Variants in HECW2 observed in about 807,000 individuals in gnomAD.
The protein encoded by HECW2 is E3 ubiquitin-protein ligase HECW2.
HECW2 carries 61 observed loss-of-function variants against 175.2 expected under a neutral mutation model. The ratio of observed to expected loss-of-function variants is 0.35; its 90% confidence interval spans 0.28 to 0.43. The LOEUF (loss-of-function observed/expected upper bound fraction) is 0.43, where lower values mean the gene tolerates loss of function less well. Ranked by LOEUF, HECW2 falls within the 20% of genes least tolerant of loss-of-function variation. HECW2 has a pLI of 1.00. For missense variants in HECW2, 1,524 were observed against 2,000.5 expected (o/e 0.76, Z 4.54); for synonymous variants, 671 against 731.0 (o/e 0.92, Z 1.32).
intron 1 of HECW2, among the ~76,000 whole-genome samples, chr2:196,474,706 A>G (rs1467081175): frequency 6.6e-6 from 1 of 152,196 alleles, no homozygotes; most frequent in African/African-American, 2.4e-5. Context: ...TTCTCATTCT[A>G]TCTCCATTGC....
chr2:196,220,731 T>G (rs541504211), intron 25 of HECW2, 64 bp downstream of exon 25: 1 of 1,514,172 alleles, frequency 6.6e-7, no homozygotes, highest in Non-Finnish European at 9.2e-7. Context: ...TAAAGTACAA[T>G]AAGATGGACT....
intron 2 of HECW2, among the ~76,000 whole-genome samples, chr2:196,408,525 A>G (rs988912559): frequency 1.1e-4 from 17 of 152,190 alleles, no homozygotes; most frequent in Admixed American, 6.5e-5. Flanking sequence ...GGATTGCCAT[A>G]ATTAGGTTAG....
chr2:196,500,531 G>C (rs1320225517), intron 1 of HECW2, among the ~76,000 whole-genome samples: 1 of 150,892 alleles, frequency 6.6e-6, no homozygotes, highest in Non-Finnish European at 1.5e-5. Context: ...AAACTTTTGA[G>C]TTTCAAAGAA....
intron 1 of HECW2, among the ~76,000 whole-genome samples, chr2:196,575,843 A>C (rs1200846333): frequency 6.6e-6 from 1 of 151,182 alleles, no homozygotes; most frequent in Non-Finnish European, 1.5e-5. Context: ...GAGAGCTGCC[A>C]AGCTCTTTTA....
At chr2:196,368,777 T>C (rs926054290) in intron 2 of HECW2, among the ~76,000 whole-genome samples, 1 of 152,190 alleles carries the variant, frequency 6.6e-6, no homozygotes. Flanking sequence ...CATTCTTCAA[T>C]ATGTCAGTTG....
chr2:196,439,638 T>C (rs1395964836), intron 1 of HECW2, among the ~76,000 whole-genome samples: 4 of 152,142 alleles, frequency 2.6e-5, no homozygotes, highest in Non-Finnish European at 5.9e-5. Context: ...CAGTGTAAGA[T>C]GTAAGACAGA....
intron 3 of HECW2, among the ~76,000 whole-genome samples, chr2:196,335,621 A>G (rs1692522311): frequency 6.6e-6 from 1 of 152,204 alleles, no homozygotes. Flanking sequence ...AGAGAAAGAT[A>G]TGATAACTGA....
At chr2:196,367,366 T>C (rs1693772240) in intron 2 of HECW2, among the ~76,000 whole-genome samples, 1 of 152,194 alleles carries the variant, frequency 6.6e-6, no homozygotes, top group Non-Finnish European at 1.5e-5. Context: ...TGTGGGTACA[T>C]GGTAGGTGCC....
At chr2:196,345,551 C>T (rs1270809722) in intron 2 of HECW2, among the ~76,000 whole-genome samples, 1 of 152,166 alleles carries the variant, frequency 6.6e-6, no homozygotes, top group African/African-American at 2.4e-5. Flanking sequence ...AGCCACATTG[C>T]TAAGATGGCA....
At chr2:196,334,598 C>A in intron 3 of HECW2, 80 bp from the exon 4 acceptor site, 1 of 1,111,740 alleles carries the variant, frequency 9.0e-7, no homozygotes, top group Non-Finnish European at 1.3e-6. Flanking sequence ...TCCACCATAC[C>A]ACCTCTCAGG....
At chr2:196,225,250 TAGAG>T (rs781513690) in intron 23 of HECW2, among the ~76,000 whole-genome samples, 2 of 152,176 alleles carry the variant, frequency 1.3e-5, no homozygotes, top group Non-Finnish European at 2.9e-5. Flanking sequence ...ACTAAGGGCA[TAGAG>T]AAAGTTTAAG....
chr2:196,585,639 T>C (rs1690946529), intron 1 of HECW2, among the ~76,000 whole-genome samples: 1 of 151,446 alleles, frequency 6.6e-6, no homozygotes. Flanking sequence ...TCGTGTAGCT[T>C]AGAGATGCCA....
chr2:196,312,546 A>C (rs1442914314), intron 10 of HECW2, among the ~76,000 whole-genome samples: 2 of 152,194 alleles, frequency 1.3e-5, no homozygotes, highest in Non-Finnish European at 2.9e-5. Flanking sequence ...AAACTTATCT[A>C]TGACTTTAGG....
At position 196,559,949 on chromosome 2, in the gene HECW2, A is replaced by G. The variant is rs80055841; in HGVS notation, c.-36+33559T>C. Reference sequence around the variant, plus strand: ...ATTTAGTATCTGCAGGTACTTCACAAGATGAGTCTTTATCTCTCTACCAGT... The same window carrying G: ...ATTTAGTATCTGCAGGTACTTCACAGGATGAGTCTTTATCTCTCTACCAGT... On this transcript the variant is annotated intron_variant, in intron 1 of 28. Transcript: ENST00000644978. Among the ~76,000 whole-genome samples, 617 of 152,296 alleles carry G rather than the reference A, an allele frequency of 4.1e-3. 5 individuals are homozygous for G. Among genetic ancestry groups the G allele is most frequent in the African/African-American group, 0.014 (575 of 41,560 alleles).
At chr2:196,333,520 C>T (rs1380210393) in intron 4 of HECW2, among the ~76,000 whole-genome samples, 1 of 152,180 alleles carries the variant, frequency 6.6e-6, no homozygotes, top group Non-Finnish European at 1.5e-5. Flanking sequence ...TATACACATA[C>T]ACCCACACAT....
At chr2:196,454,513 C>T (rs1047992494) in intron 1 of HECW2, among the ~76,000 whole-genome samples, 5 of 152,206 alleles carry the variant, frequency 3.3e-5, no homozygotes, top group African/African-American at 1.2e-4. Context: ...TTCATTATTG[C>T]ACACTTGCCT....
chr2:196,499,229 T>C (rs186984552), intron 1 of HECW2, among the ~76,000 whole-genome samples: 2 of 152,082 alleles, frequency 1.3e-5, no homozygotes, highest in East Asian at 3.9e-4. Flanking sequence ...TGTAACATGA[T>C]TACTTCTTAC....
At chr2:196,592,674 A>G (rs1333469479) in intron 1 of HECW2, 1 of 152,262 alleles carries the variant, frequency 6.6e-6, no homozygotes, top group African/African-American at 2.4e-5. Context: ...GGCAGCGGAA[A>G]CCGAAATGGC....
intron 2 of HECW2, among the ~76,000 whole-genome samples, chr2:196,363,303 A>G (rs142183023): frequency 2.2e-4 from 33 of 152,292 alleles, no homozygotes; most frequent in African/African-American, 7.5e-4. Context: ...ACTGTGCTCT[A>G]AGAATAAGGT....
Sources: allele counts gnomAD v4.1 joint callset (sites outside exome capture counted in the v4.1 genomes callset), GRCh38; gene constraint gnomAD v4.1.1; transcripts MANE v1.5; gene names NCBI Gene and HGNC (gene_info 2026-07-23, HGNC 2026-07-21).